ITGAE: variants seen among roughly 807,000 people sequenced by gnomAD.
ITGAE encodes the protein integrin subunit alpha E, also known as integrin alpha-E.
In ITGAE, 99 loss-of-function variants were observed where a neutral mutation model predicts 136.5. The ratio of observed to expected loss-of-function variants is 0.73; its 90% confidence interval spans 0.62 to 0.86. The LOEUF is 0.86. Among genes scored for constraint, ITGAE ranks in the 40% least tolerant of loss-of-function variants. The pLI, the probability that ITGAE is intolerant of heterozygous loss-of-function variation, is 0.00. For synonymous variants in ITGAE, 613 were observed against 591.8 expected (o/e 1.04, Z -0.52); for missense variants, 1,447 against 1,515.3 (o/e 0.95, Z 0.75).
At chr17:3,782,602 A>C (rs1450464576) in intron 1 of ITGAE, among the ~76,000 whole-genome samples, 1 of 152,014 alleles carries the variant, frequency 6.6e-6, no homozygotes, top group Non-Finnish European at 1.5e-5. Context: ...TCCTGACCTC[A>C]GGTGATTCAG....
rs1239655786 is a variant in ITGAE at position 3,724,124 on chromosome 17, TGACGATCCC to T, written c.3085-389_3085-381del. ...GCGACCCCTCGCAGTCCGACGATCC[TGACGATCCC>T]GACGACCCCGACTTCCCCGGCAGCC... On this transcript the variant is annotated intron_variant, in intron 26 of 30. Transcript: ENST00000263087. The T allele has an allele frequency of 3.8e-6, 6 of 1,594,612 alleles. No individual in the cohort carries two copies. In the African/African-American group the frequency reaches 6.8e-5, roughly 18 times the overall value.
At chr17:3,749,833 T>C (rs2051819187) in intron 16 of ITGAE, among the ~76,000 whole-genome samples, 1 of 151,884 alleles carries the variant, frequency 6.6e-6, no homozygotes, top group Non-Finnish European at 1.5e-5. Context: ...CTGGCCAACA[T>C]GGTGAAACCC....
chr17:3,761,789 C>A, intron 4 of ITGAE, 126 bp downstream of exon 4: 2 of 854,914 alleles, frequency 2.3e-6, no homozygotes, highest in Non-Finnish European at 3.7e-6. Context: ...GGGTTGGCAC[C>A]AGGGAGACGC....
Position 3,719,803 on chromosome 17 carries a change from C to A in ITGAE, c.3333+504G>T, listed in dbSNP as rs184274614. 2.0e-5 allele frequency among the ~76,000 whole-genome samples: 3 copies of A among 151,566 alleles called. No individual in the cohort carries two copies. The South Asian group carries it at 6.3e-4, about 32-fold the overall frequency. On this transcript the variant is annotated intron_variant, in intron 29 of 30. Transcript: ENST00000263087. ...AGTGGAGTGGTGTGATCTCGGCTCA[C>A]TGCAACCTCTGCCTCCCAGATTCAA...
intron 19 of ITGAE, among the ~76,000 whole-genome samples, chr17:3,741,466 C>G (rs2051587837): frequency 6.6e-6 from 1 of 152,106 alleles, no homozygotes; most frequent in Admixed American, 6.6e-5. Flanking sequence ...GTTAAGCCAT[C>G]TAAACTCCCA....
chr17:3,756,810 T>C (rs1285318637), intron 10 of ITGAE, among the ~76,000 whole-genome samples, 174 bp downstream of exon 10: 1 of 152,192 alleles, frequency 6.6e-6, no homozygotes, highest in African/African-American at 2.4e-5. Flanking sequence ...CCCAAAGTGT[T>C]GGGATAACAG....
At chr17:3,772,559 G>A (rs56379605) in intron 2 of ITGAE, among the ~76,000 whole-genome samples, 12 of 150,728 alleles carry the variant, frequency 8.0e-5, no homozygotes, top group Non-Finnish European at 1.5e-4. Context: ...CGCCTCCCGC[G>A]TTCATGCCAT....
chr17:3,723,797 T>C (rs1480729666), intron 26 of ITGAE, 53 bp from the exon 27 acceptor site: 1 of 1,593,670 alleles, frequency 6.3e-7, no homozygotes, highest in African/African-American at 1.3e-5. Context: ...CCGCCAGTTT[T>C]CCGTCCCGTC....
chr17:3,716,940 C>A, intron 29 of ITGAE, 142 bp from the exon 30 acceptor site: 1 of 591,844 alleles, frequency 1.7e-6, no homozygotes. Context: ...AAGCAAAAAG[C>A]TAGATATTCC....
chr17:3,751,215 T>C (rs1032590749), intron 15 of ITGAE, among the ~76,000 whole-genome samples: 1 of 149,474 alleles, frequency 6.7e-6, no homozygotes, highest in South Asian at 2.1e-4. Context: ...TGGAGGTGGG[T>C]GGAAGTGCCT....
At chr17:3,740,453 T>G (rs1005956330) in intron 19 of ITGAE, among the ~76,000 whole-genome samples, 5 of 152,236 alleles carry the variant, frequency 3.3e-5, no homozygotes, top group African/African-American at 1.2e-4. Flanking sequence ...CTCGGCTCAC[T>G]GCCATCTCTG....
intron 17 of ITGAE, among the ~76,000 whole-genome samples, chr17:3,746,703 C>A (rs1303966620): frequency 6.6e-6 from 1 of 152,166 alleles, no homozygotes; most frequent in Non-Finnish European, 1.5e-5. Context: ...TGTGATCCAC[C>A]CGCCTCGGCC....
At position 3,747,983 on chromosome 17, in the gene ITGAE, G is replaced by A. The variant is rs146285077; in HGVS notation, c.2094C>T (p.Asn698=). 308 of 1,613,036 alleles carry A rather than the reference G, an allele frequency of 1.9e-4. No individual in the cohort carries two copies. The highest frequency in any genetic ancestry group is 1.6e-3 in the African/African-American group (119 of 74,980). Residue 698 remains asparagine (N), a synonymous_variant, in exon 17 of 31, where the codon AAC becomes AAT. Coordinates refer to ENST00000263087, the MANE Select transcript of ITGAE (RefSeq NM_002208.5). ...FTPSALPIGF[N]GVVNVRLCFE... ...AACATAAACGGACATTCACGACGCC[G>A]TTGAAGCCGATGGGCAGTGCGCTGG...
At chr17:3,724,115 C>A in intron 26 of ITGAE, 1 of 1,594,772 alleles carries the variant, frequency 6.3e-7, no homozygotes, top group Non-Finnish European at 8.5e-7. Flanking sequence ...CCTCGCAGTC[C>A]GACGATCCTG....
chr17:3,724,569 C>G (rs1275210330), intron 26 of ITGAE: 1 of 1,614,176 alleles, frequency 6.2e-7, no homozygotes, highest in Non-Finnish European at 8.5e-7. Flanking sequence ...AGAAGTCTCC[C>G]TGGACCGAGC....
intron 1 of ITGAE, among the ~76,000 whole-genome samples, chr17:3,778,477 T>C (rs903537583): frequency 2.0e-5 from 3 of 152,218 alleles, no homozygotes; most frequent in Admixed American, 1.3e-4. Flanking sequence ...GCAGGAGAAT[T>C]GCTTAAACCT....
rs1010302252 is a variant in ITGAE at position 3,761,101 on chromosome 17, A to G, written c.510T>C (p.Asp170=). 3 of 1,612,658 alleles carry G rather than the reference A, an allele frequency of 1.9e-6. No individual in the cohort carries two copies. The highest frequency in any genetic ancestry group is 2.2e-5 in the South Asian group (2 of 91,054). ...YSNKEGGGED[D]VNTARQRRAL... ...CCCGGCGCTGCCTGGCTGTGTTCAC[A>G]TCGTCTTCTCCACCGCCTTCTTTGT... The change falls in exon 6 of 31, where the codon GAT becomes GAC. Residue 170 remains aspartate, a synonymous_variant. Transcript: ENST00000263087.
chr17:3,742,517 C>T (rs1365186659), intron 19 of ITGAE, among the ~76,000 whole-genome samples: 2 of 148,968 alleles, frequency 1.3e-5, no homozygotes, highest in African/African-American at 2.5e-5. Context: ...TGCAGTGGCA[C>T]GATCTCGGTT....
intron 19 of ITGAE, among the ~76,000 whole-genome samples, chr17:3,742,287 CT>C (rs1287513517): frequency 6.6e-6 from 1 of 151,884 alleles, no homozygotes; most frequent in Admixed American, 6.6e-5. Flanking sequence ...GGACCAGAAC[CT>C]TTTTTTTCTT....
Sources: allele counts gnomAD v4.1 joint callset (sites outside exome capture counted in the v4.1 genomes callset), GRCh38; gene constraint gnomAD v4.1.1; transcripts MANE v1.5; gene names NCBI Gene and HGNC (gene_info 2026-07-23, HGNC 2026-07-21).